Variants in IKBKB observed in about 807,000 individuals in gnomAD.
IKBKB encodes the protein inhibitor of nuclear factor kappa-B kinase subunit beta.
In IKBKB, 42 loss-of-function variants were observed where a neutral mutation model predicts 113.6. That is an observed-to-expected ratio of 0.37 (90% CI 0.29 to 0.48). The LOEUF is 0.48. Among genes scored for constraint, IKBKB ranks in the 20% least tolerant of loss-of-function variants. The pLI is 0.99. For synonymous variants in IKBKB, 296 were observed against 361.3 expected (o/e 0.82, Z 2.05); for missense variants, 673 against 939.7 (o/e 0.72, Z 3.71).
At position 42,271,496 on chromosome 8, in the gene IKBKB, G is replaced by A. The variant is rs1342010635; in HGVS notation, c.-19+27G>A. On this transcript the variant is annotated intron_variant, in intron 1 of 21. Transcript: ENST00000520810. ...TGAGTCCCCCTCGTGGGTGCGGCCC[G>A]GGTGCCACCTGCAGGCCCCGCCGCC... is the stretch of plus-strand genomic sequence containing the variant. The A allele has an allele frequency of 6.6e-6, 5 of 761,188 alleles. No homozygotes were observed. The African/African-American group carries it at 9.4e-5, about 14-fold the overall frequency. The allele number at this position is 761,188 out of a possible 1,614,324, so 47.2% of individuals were successfully genotyped here. A position where few individuals can be genotyped will look rare whatever the true frequency, so the allele number is the denominator to read the frequency against.
In IKBKB at chr8:42,318,610, C is replaced by A; in HGVS notation, c.1299C>A (p.Val433=). The part of the protein sequence containing the change: ...FFQLRKVWGQ[V]WHSIQTLKED... ...AGCTGAGGAAGGTGTGGGGCCAGGTCTGGCACAGCATCCAGACCCTGAAGG... is the reference window on the plus strand; with the variant it reads ...AGCTGAGGAAGGTGTGGGGCCAGGTATGGCACAGCATCCAGACCCTGAAGG... Residue 433 remains valine (V), a synonymous_variant, in exon 13 of 22, where the codon GTC becomes GTA. Transcript: ENST00000520810. The A allele has an allele frequency of 6.2e-7, 1 of 1,614,018 alleles. No individual in the cohort carries two copies. Among genetic ancestry groups the A allele is most frequent in the South Asian group, 1.1e-5 (1 of 91,062 alleles).
chr8:42,330,809 G>A (rs1821611336), intron 21 of IKBKB, 105 bp from the exon 22 acceptor site: 1 of 1,576,994 alleles, frequency 6.3e-7, no homozygotes, highest in African/African-American at 1.3e-5. Context: ...TGCCTGGCTG[G>A]GTTTTAGTAT....
chr8:42,326,287 T>C, intron 20 of IKBKB, 190 bp downstream of exon 20: 2 of 640,620 alleles, frequency 3.1e-6, no homozygotes, highest in Non-Finnish European at 5.3e-6. Context: ...TGAAACTTAC[T>C]AACTAGTTTC....
chr8:42,330,178 C>T, intron 21 of IKBKB: 5 of 985,282 alleles, frequency 5.1e-6, no homozygotes, highest in Non-Finnish European at 6.0e-6. Flanking sequence ...GTGCTGTGAG[C>T]CACAGTGGTA....
chr8:42,277,073 T>G (rs1221385014), intron 2 of IKBKB, among the ~76,000 whole-genome samples: 1 of 151,634 alleles, frequency 6.6e-6, no homozygotes, highest in African/African-American at 2.4e-5. Context: ...GGTTTCACTG[T>G]GTTAGCCAGG....
Position 42,316,404 on chromosome 8 carries a change from T to C in IKBKB, c.930+65T>C. On this transcript the variant is annotated intron_variant, in intron 10 of 21. Transcript: ENST00000520810. This position sits in a 1 kb window ranked among gnomAD's most constrained non-coding sequence, Gnocchi z 4.5. The stretch of plus-strand genomic sequence containing the variant: ...GGTCCCCAGTGGAACATGCAGTTCT[T>C]AGGACAGAGCAGGGGATGGGGCCAG... The C allele has an allele frequency of 6.3e-7, 1 of 1,599,010 alleles. No individual in the cohort carries two copies. Among genetic ancestry groups the C allele is most frequent in the South Asian group, 1.1e-5 (1 of 89,518 alleles).
At chr8:42,319,906 T>C (rs1797380492) in intron 15 of IKBKB, 1 of 407,304 alleles carries the variant, frequency 2.5e-6, no homozygotes, top group South Asian at 6.5e-5. Flanking sequence ...TTAGGTTCCC[T>C]TGGGGAAAAG....
At position 42,320,953 on chromosome 8, in the gene IKBKB, G is replaced by A. The variant is rs1427193996; in HGVS notation, c.1688+109G>A. The A allele has an allele frequency of 5.0e-6, 3 of 605,570 alleles. No individual in the cohort carries two copies. The East Asian group carries it at 9.3e-5, about 19-fold the overall frequency. 37.5% of individuals were successfully genotyped at this position (605,570 alleles called of 1,614,324 possible). On this transcript the variant is annotated intron_variant, in intron 16 of 21. Transcript: ENST00000520810. ...AGTGGCTGTGCGGGACCATTCTCTA[G>A]AGCATGCTTCCCTGTGGGGTCACTT...
chr8:42,296,678 CAAAT>C (rs1362766830), intron 5 of IKBKB, among the ~76,000 whole-genome samples: 6 of 151,600 alleles, frequency 4.0e-5, no homozygotes, highest in Middle Eastern at 3.4e-3. Context: ...TCAAATGAAT[CAAAT>C]AAATCCTAAA....
In IKBKB at chr8:42,321,933, G is replaced by A. The variant is rs1819854978; in HGVS notation, c.1726G>A (p.Glu576Lys). 6.2e-7 allele frequency: 1 copy of A among 1,613,318 alleles called. No homozygotes were observed. Among genetic ancestry groups the A allele is most frequent in the Admixed American group, 1.7e-5 (1 of 59,922 alleles). ...AAGGGAGCTGTACAGGAGACTAAGGGAAAAACCTCGAGGTAAGTGGGGTTC... is the reference window on the plus strand; with the variant it reads ...AAGGGAGCTGTACAGGAGACTAAGGAAAAAACCTCGAGGTAAGTGGGGTTC... Reference protein sequence around the residue: ...QARELYRRLREKPRDQRTEGD... With the variant: ...QARELYRRLRKKPRDQRTEGD... Residue 576 changes from glutamate to lysine, a missense_variant, in exon 17 of 22, where the codon GAA becomes AAA. Glu to Lys is a moderately conservative substitution (Grantham distance 56). Transcript: ENST00000520810.
At position 42,330,940 on chromosome 8, in the gene IKBKB, G is replaced by A. The variant is rs552529820; in HGVS notation, c.2232G>A (p.Thr744=). 15 of 1,614,188 alleles carry A rather than the reference G, an allele frequency of 9.3e-6. No homozygotes were observed. Among genetic ancestry groups the A allele is most frequent in the South Asian group, 4.4e-5 (4 of 91,088 alleles). The part of the protein sequence containing the change: ...FTALDWSWLQ[T]EEEEHSCLEQ... ...CCCTAGACTGGAGCTGGTTACAGAC[G>A]GAAGAAGAAGAGCACAGCTGCCTGG... Residue 744 remains threonine, a synonymous_variant, in exon 22 of 22, where the codon ACG becomes ACA. Transcript: ENST00000520810.
chr8:42,272,544 G>C, intron 2 of IKBKB: 1 of 394,734 alleles, frequency 2.5e-6, no homozygotes. Context: ...TAAAGGATGA[G>C]ACTAAATAAA....
chr8:42,294,266 T>C (rs1813254163), intron 5 of IKBKB, among the ~76,000 whole-genome samples: 1 of 152,266 alleles, frequency 6.6e-6, no homozygotes, highest in Non-Finnish European at 1.5e-5. Flanking sequence ...ATTTGGAGAA[T>C]GATGCCATTT....
intron 9 of IKBKB, among the ~76,000 whole-genome samples, 174 bp downstream of exon 9, chr8:42,314,603 C>T (rs928601658): frequency 1.9e-4 from 29 of 151,890 alleles, no homozygotes; most frequent in Non-Finnish European, 4.0e-4. Flanking sequence ...GGTGAAACCC[C>T]GTCTCTACTA....
At chr8:42,320,674 G>C in intron 15 of IKBKB, 61 bp from the exon 16 acceptor site, 1 of 1,389,312 alleles carries the variant, frequency 7.2e-7, no homozygotes, top group South Asian at 1.2e-5. Context: ...CTCCCCCGCA[G>C]ATCTTGCATC....
chr8:42,314,990 C>T (rs1433715268), intron 9 of IKBKB, among the ~76,000 whole-genome samples: 1 of 152,172 alleles, frequency 6.6e-6, no homozygotes, highest in Non-Finnish European at 1.5e-5. Context: ...CCTTAATAGC[C>T]TCTACCTTGT....
rs79395741 is a variant in IKBKB, at chr8:42,282,261, G to A, written c.106-6373G>A. ...TGCAGCAGCATGATCACAGCTCAAC[G>A]CAGGTCTCGCTCTATTGCCCAGCCT... On this transcript the variant is annotated intron_variant, in intron 2 of 21. Coordinates refer to ENST00000520810, the MANE Select transcript of IKBKB (RefSeq NM_001556.3). Among the ~76,000 whole-genome samples the A allele has an allele frequency of 2.2e-4, 33 of 152,250 alleles. No individual in the cohort carries two copies. In the East Asian group the frequency reaches 5.0e-3, roughly 23 times the overall value.
chr8:42,274,950 C>G (rs373733253), intron 2 of IKBKB, among the ~76,000 whole-genome samples: 10 of 151,928 alleles, frequency 6.6e-5, no homozygotes, highest in Non-Finnish European at 1.0e-4. Context: ...AATCTTGGCT[C>G]GCTGCAACTG....
intron 4 of IKBKB, among the ~76,000 whole-genome samples, chr8:42,291,839 G>T (rs1812713160): frequency 1.3e-5 from 2 of 152,170 alleles, no homozygotes; most frequent in Admixed American, 1.3e-4. Flanking sequence ...GGCTGGGGTG[G>T]GAGGATGGCT....
Sources: allele counts gnomAD v4.1 joint callset (sites outside exome capture counted in the v4.1 genomes callset), GRCh38; gene constraint gnomAD v4.1.1; non-coding constraint Gnocchi (gnomAD v3.1); transcripts MANE v1.5; gene names NCBI Gene and HGNC (gene_info 2026-07-23, HGNC 2026-07-21).